Variants in COX15 observed in about 807,000 individuals in gnomAD.
The protein encoded by COX15 is cytochrome c oxidase assembly factor COX15, also known as heme A synthase COX15.
COX15 carries 51 observed loss-of-function variants against 51.9 expected under a neutral mutation model. That is an observed-to-expected ratio of 0.98 (90% CI 0.78 to 1.24). The LOEUF (loss-of-function observed/expected upper bound fraction) is 1.24, where lower values mean the gene tolerates loss of function less well. Ranked by LOEUF, COX15 falls within the 50% of genes most tolerant of loss-of-function variation. The pLI is 0.00. For missense variants in COX15, 420 were observed against 501.1 expected, an observed-to-expected ratio of 0.84 and a Z score of 1.55; for synonymous variants, 188 against 190.5, an observed-to-expected ratio of 0.99 and a Z score of 0.11.
intron 4 of COX15, among the ~76,000 whole-genome samples, chr10:99,724,386 T>C (rs2036878916): frequency 6.6e-6 from 1 of 152,142 alleles, no homozygotes; most frequent in African/African-American, 2.4e-5. Context: ...TTTCACCATG[T>C]TGGCCAGATG....
chr10:99,710,743 A>G, downstream of COX15: 1 of 985,394 alleles, frequency 1.0e-6, no homozygotes, highest in Non-Finnish European at 1.2e-6. Flanking sequence ...TTATCCTAAA[A>G]TCATGATTAT....
At chr10:99,696,447 T>A in the COX15 span, among the ~76,000 whole-genome samples, 1 of 152,388 alleles carries the variant, frequency 6.6e-6, no homozygotes, top group East Asian at 1.9e-4. Context: ...ATAGTGTAGC[T>A]GCTAGCAGTT....
chr10:99,698,725 A>G, the COX15 span: 3 of 1,614,232 alleles, frequency 1.9e-6, no homozygotes, highest in South Asian at 3.3e-5. Context: ...GCCTCACTCA[A>G]TGGCATATAT....
chr10:99,704,918 A>G, the COX15 span: 5 of 541,356 alleles, frequency 9.2e-6, no homozygotes, highest in Non-Finnish European at 3.3e-6. Flanking sequence ...AATACGGGGG[A>G]CCAAGCTTTG....
Position 99,712,557 on chromosome 10 carries a change from T to A in COX15, c.*2030A>T. 15 of 985,032 alleles carry A rather than the reference T, an allele frequency of 1.5e-5. No individual in the cohort carries two copies. Among genetic ancestry groups the A allele is most frequent in the Non-Finnish European group, 1.8e-5 (15 of 829,536 alleles). The allele number at this position is 985,032 out of a possible 1,614,324, so 61.0% of individuals were successfully genotyped here. A position where few individuals can be genotyped will look rare whatever the true frequency, so the allele number is the denominator to read the frequency against. On this transcript the variant is annotated 3_prime_UTR_variant, in exon 9 of 9. Transcript: ENST00000016171. Reference sequence around the variant, plus strand: ...AAATCCAGATGTTCTTCCTTTGTATTTGTATTGTCACTGTATGGAATCTAG... The same window carrying A: ...AAATCCAGATGTTCTTCCTTTGTATATGTATTGTCACTGTATGGAATCTAG...
chr10:99,700,427 TGTGTGTGTGTGTGTGTGTTTA>T, the COX15 span, among the ~76,000 whole-genome samples: 1 of 150,972 alleles, frequency 6.6e-6, no homozygotes, highest in Non-Finnish European at 1.5e-5. Flanking sequence ...TGTGTGTGTG[TGTGTGTGTGTGTGTGTGTTTA>T]TTGTCTGTCT....
chr10:99,709,646 G>T, downstream of COX15: 1 of 985,366 alleles, frequency 1.0e-6, no homozygotes, highest in Non-Finnish European at 1.2e-6. Context: ...ATCTAAGTTG[G>T]AAAGCTGTGG....
chr10:99,696,902 GGGT>G, the COX15 span, among the ~76,000 whole-genome samples: 10 of 152,176 alleles, frequency 6.6e-5, no homozygotes, highest in African/African-American at 2.2e-4. Context: ...GCAGTGCTGA[GGGT>G]CTAGCCTAGG....
intron 2 of COX15, among the ~76,000 whole-genome samples, chr10:99,728,738 C>T (rs930919435): frequency 6.6e-6 from 1 of 152,170 alleles, no homozygotes; most frequent in Non-Finnish European, 1.5e-5. Context: ...GACAAAGGAA[C>T]ATGTTAAATA....
At chr10:99,696,254 G>A in the COX15 span, 2 of 1,089,130 alleles carry the variant, frequency 1.8e-6, no homozygotes, top group Non-Finnish European at 2.6e-6. Flanking sequence ...CTGCCAATGG[G>A]GTAGCATCTC....
At chr10:99,696,103 G>C in the COX15 span, 5 of 1,613,210 alleles carry the variant, frequency 3.1e-6, no homozygotes, top group East Asian at 2.2e-5. Flanking sequence ...TGTTCTGAAT[G>C]AAACTCTTAA....
At chr10:99,708,864 G>A, downstream of COX15, 1 of 985,338 alleles carries the variant, frequency 1.0e-6, no homozygotes, top group Non-Finnish European at 1.2e-6. Context: ...CTCATTAACA[G>A]AATCTTTCTG....
Position 99,716,391 on chromosome 10 carries a change from G to T in COX15, c.1058C>A (p.Thr353Asn). ...LSRRIPLPRR[T>N]KMAAVTLLAL... ...CAGCAGAGTCACTGCTGCCATCTTG[G>T]TCCTTCTAGGAAGGGGAATTCTCCG... Residue 353 changes from threonine to asparagine, a missense_variant, in exon 8 of 9, where the codon ACC (threonine) becomes AAC (asparagine). Transcript: ENST00000016171. 1 of 1,613,912 alleles carries T rather than the reference G, an allele frequency of 6.2e-7. No homozygotes were observed. The highest frequency in any genetic ancestry group is 8.5e-7 in the Non-Finnish European group (1 of 1,179,944).
At chr10:99,698,375 G>T in the COX15 span, among the ~76,000 whole-genome samples, 11 of 152,096 alleles carry the variant, frequency 7.2e-5, no homozygotes, top group Non-Finnish European at 1.6e-4. Flanking sequence ...ACTTGCTGAA[G>T]TTAAATGTTT....
At position 99,711,154 on chromosome 10, in the gene COX15, T is replaced by C. The variant is rs2036371490; in HGVS notation, c.*3433A>G. 1.0e-6 allele frequency: 1 copy of C among 985,300 alleles called. No individual in the cohort carries two copies. 61.0% of individuals were successfully genotyped at this position (985,300 alleles called of 1,614,324 possible). The stretch of plus-strand genomic sequence containing the variant: ...CAGAAGCTCATAGATATAATACAGT[T>C]ATATAGCTAAATGCAACCAGTTGTT... On this transcript the variant is annotated 3_prime_UTR_variant, in exon 9 of 9. Coordinates refer to ENST00000016171, the MANE Select transcript of COX15 (RefSeq NM_078470.6).
At chr10:99,696,191 CACA>C in the COX15 span, 2 of 1,552,892 alleles carry the variant, frequency 1.3e-6, no homozygotes, top group Non-Finnish European at 1.8e-6. Flanking sequence ...GAGAAATACT[CACA>C]TCCTCCTAAG....
At chr10:99,702,649 A>G in the COX15 span, 3 of 1,612,342 alleles carry the variant, frequency 1.9e-6, no homozygotes, top group African/African-American at 1.3e-5. Context: ...GCCATTCTAT[A>G]TAAAACACGA....
At chr10:99,697,627 A>G in the COX15 span, 6 of 155,958 alleles carry the variant, frequency 3.8e-5, no homozygotes, top group Admixed American at 2.6e-4. Flanking sequence ...CTCAATAACA[A>G]TTTTCTGAGT....
intron 4 of COX15, among the ~76,000 whole-genome samples, chr10:99,725,219 T>C (rs2036911063): frequency 6.6e-6 from 1 of 152,334 alleles, no homozygotes; most frequent in Admixed American, 6.5e-5. Context: ...ACTCTGCCAC[T>C]TCTAAATATA....
Sources: gnomAD v4.1 joint callset for allele counts (sites outside exome capture counted in the v4.1 genomes callset) on GRCh38, gnomAD v4.1.1 for gene constraint, MANE v1.5 for transcripts, NCBI Gene and HGNC (gene_info 2026-07-23, HGNC 2026-07-21) for gene names.